Variants in GLDN observed in about 807,000 individuals in gnomAD.
The protein encoded by GLDN is gliomedin.
Under a neutral mutation model 56.5 loss-of-function variants are expected in GLDN, and 47 were observed. The ratio of observed to expected loss-of-function variants is 0.83; its 90% CI spans 0.66 to 1.06. The LOEUF (loss-of-function observed/expected upper bound fraction) is 1.06, where lower values mean the gene tolerates loss of function less well. GLDN is among the 50% of genes least tolerant of loss of function. GLDN has a pLI of 0.00. For missense variants in GLDN, 782 were observed against 714.3 expected (o/e 1.09, Z -1.08); for synonymous variants, 332 against 278.8 (o/e 1.19, Z -1.90).
chr15:51,385,973 G>A lies in GLDN; in HGVS notation c.541+2081G>A, dbSNP rs563395854. 9.8e-5 allele frequency among the ~76,000 whole-genome samples: 15 copies of A among 152,322 alleles called. 1 individual carries two copies. In the South Asian group the frequency reaches 3.1e-3, roughly 32 times the overall value. Reference sequence around the variant, plus strand: ...AGTGCTATGCCTGACATATGGATGAGAGGATGGCCTGACAGCTGTGCTGAG... The same window carrying A: ...AGTGCTATGCCTGACATATGGATGAAAGGATGGCCTGACAGCTGTGCTGAG... On this transcript the variant is annotated intron_variant, in intron 4 of 9. Coordinates refer to ENST00000335449, the MANE Select transcript of GLDN (RefSeq NM_181789.4).
At chr15:51,404,237 CGGTG>C (rs2038319179) in intron 9 of GLDN, 36 bp from the exon 10 acceptor site, 1 of 1,453,014 alleles carries the variant, frequency 6.9e-7, no homozygotes, top group Non-Finnish European at 9.3e-7. Flanking sequence ...TCCACAGAAA[CGGTG>C]ATTCATGTCT....
At chr15:51,373,998 TATC>T (rs1335360377) in intron 1 of GLDN, among the ~76,000 whole-genome samples, 1 of 152,228 alleles carries the variant, frequency 6.6e-6, no homozygotes, top group Non-Finnish European at 1.5e-5. Flanking sequence ...CACCTTTTCA[TATC>T]ATATATTTCA....
At chr15:51,351,828 A>T (rs1425746867) in intron 1 of GLDN, among the ~76,000 whole-genome samples, 1 of 152,214 alleles carries the variant, frequency 6.6e-6, no homozygotes, top group African/African-American at 2.4e-5. Flanking sequence ...CTGGACCCAC[A>T]GCTTGGTAGC....
At chr15:51,350,592 A>G (rs1210824552) in intron 1 of GLDN, among the ~76,000 whole-genome samples, 1 of 152,146 alleles carries the variant, frequency 6.6e-6, no homozygotes, top group Non-Finnish European at 1.5e-5. Context: ...TTTGGGAGAG[A>G]GCTTGCAGCC....
intron 9 of GLDN, among the ~76,000 whole-genome samples, chr15:51,403,009 A>G (rs2038288300): frequency 6.6e-6 from 1 of 152,046 alleles, no homozygotes; most frequent in Non-Finnish European, 1.5e-5. Context: ...CTGCCATGTT[A>G]TATAGGGCTA....
chr15:51,379,215 A>C (rs1317553038), intron 2 of GLDN, among the ~76,000 whole-genome samples: 1 of 152,216 alleles, frequency 6.6e-6, no homozygotes. Context: ...GAGTTTGTCA[A>C]ACAACACATG....
rs2038327360 is a variant in GLDN, at chr15:51,404,450, A to T, written c.1352A>T (p.Gln451Leu). The change falls in exon 10 of 10, where the codon CAA becomes CTA. Residue 451 changes from glutamine (Q) to leucine (L), a missense_variant. Coordinates refer to ENST00000335449, the MANE Select transcript of GLDN (RefSeq NM_181789.4). ...SVDGSSILVA[Q>L]LDERTFSVVQ... ...GACGGCTCGAGCATTCTTGTAGCACAACTGGATGAGAGGACATTCTCAGTG... is the reference window on the plus strand; with the variant it reads ...GACGGCTCGAGCATTCTTGTAGCACTACTGGATGAGAGGACATTCTCAGTG... 1.2e-6 allele frequency: 2 copies of T among 1,614,042 alleles called. No homozygotes were observed. Among genetic ancestry groups the T allele is most frequent in the Non-Finnish European group, 1.7e-6 (2 of 1,180,038 alleles).
In GLDN at chr15:51,407,329, C is replaced by T. The variant is rs1446506346; in HGVS notation, c.*2575C>T. ...TGATTTTTTAAAGAAGTTTTGGGCT[C>T]ACTGCTAAAATAGAGTATACAACTG... On this transcript the variant is annotated 3_prime_UTR_variant, in exon 10 of 10. Coordinates refer to ENST00000335449, the MANE Select transcript of GLDN (RefSeq NM_181789.4). 1 of 152,114 alleles carries T rather than the reference C, an allele frequency of 6.6e-6. No homozygotes were observed. The highest frequency in any genetic ancestry group is 1.5e-5 in the Non-Finnish European group (1 of 68,020). 9.4% of individuals were successfully genotyped at this position (152,114 alleles called of 1,614,324 possible).
intron 1 of GLDN, among the ~76,000 whole-genome samples, chr15:51,348,044 T>A (rs567678668): frequency 1.3e-5 from 2 of 152,354 alleles, no homozygotes; most frequent in South Asian, 4.1e-4. Flanking sequence ...AATGAACCCC[T>A]CACTGTATAG....
chr15:51,355,935 T>G (rs140927121), intron 1 of GLDN, among the ~76,000 whole-genome samples: 1 of 145,750 alleles, frequency 6.9e-6, no homozygotes, highest in African/African-American at 2.5e-5. Flanking sequence ...CAGCCGGGTG[T>G]GGTGGCTCAC....
intron 4 of GLDN, among the ~76,000 whole-genome samples, chr15:51,389,033 C>T (rs543333001): frequency 6.6e-6 from 1 of 152,342 alleles, no homozygotes; most frequent in East Asian, 1.9e-4. Flanking sequence ...TCATTCCCTG[C>T]CTTCAAGGCA....
intron 9 of GLDN, among the ~76,000 whole-genome samples, chr15:51,402,052 C>A (rs2038264737): frequency 6.6e-6 from 1 of 152,108 alleles, no homozygotes; most frequent in East Asian, 1.9e-4. Flanking sequence ...GAGAAGCAGC[C>A]CGAACTCATA....
intron 1 of GLDN, among the ~76,000 whole-genome samples, chr15:51,359,758 T>C (rs28811119): frequency 0.049 from 7,426 of 151,964 alleles, 613 homozygotes; most frequent in African/African-American, 0.17. Context: ...GGGCGGATCA[T>C]GAGGTCAGGA....
At chr15:51,365,097 T>C (rs1159657769) in intron 1 of GLDN, among the ~76,000 whole-genome samples, 2 of 152,262 alleles carry the variant, frequency 1.3e-5, no homozygotes, top group Non-Finnish European at 2.9e-5. Context: ...CCAGACTAGC[T>C]GGGAAAAGTA....
chr15:51,363,117 G>C (rs971788297), intron 1 of GLDN, among the ~76,000 whole-genome samples: 4 of 152,190 alleles, frequency 2.6e-5, no homozygotes, highest in Non-Finnish European at 5.9e-5. Flanking sequence ...ATGTTCATTA[G>C]ATGTCCAAGG....
rs1375944001 is a variant in GLDN, at chr15:51,362,321, C to G, written c.364-15128C>G. On this transcript the variant is annotated intron_variant, in intron 1 of 9. Coordinates refer to ENST00000335449, the MANE Select transcript of GLDN (RefSeq NM_181789.4). The stretch of plus-strand genomic sequence containing the variant: ...CCAACTTGGAGAAACTCCGTCTCTA[C>G]CAAATATATACAAATTAGCTCAGCA... Among the ~76,000 whole-genome samples, 291 of 151,922 alleles carry G rather than the reference C, an allele frequency of 1.9e-3. 1 individual carries two copies. Among genetic ancestry groups the G allele is most frequent in the African/African-American group, 6.6e-3 (275 of 41,452 alleles).
chr15:51,382,321 C>G (rs117873448), intron 2 of GLDN, among the ~76,000 whole-genome samples: 1 of 152,038 alleles, frequency 6.6e-6, no homozygotes, highest in Non-Finnish European at 1.5e-5. Context: ...ATCTTTCCCA[C>G]GTAGACTGTG....
rs769717257 is a variant in GLDN, at chr15:51,347,005, G to A, written c.363+4958G>A. On this transcript the variant is annotated intron_variant, in intron 1 of 9. Transcript: ENST00000335449. ...CGCTTGAACCCAGGAGATGGAGGTTGCAGTGAGCCGAGGTGGCACTACTGT... is the reference window on the plus strand; with the variant it reads ...CGCTTGAACCCAGGAGATGGAGGTTACAGTGAGCCGAGGTGGCACTACTGT... Among the ~76,000 whole-genome samples the A allele has an allele frequency of 3.9e-5, 6 of 152,322 alleles. No homozygotes were observed. The South Asian group carries it at 1.0e-3, about 26-fold the overall frequency.
intron 1 of GLDN, among the ~76,000 whole-genome samples, chr15:51,344,700 T>G (rs534260351): frequency 1.3e-5 from 2 of 152,322 alleles, no homozygotes; most frequent in South Asian, 4.1e-4. Context: ...ACAAACTCTA[T>G]GCAGACTAAT....
Sources: allele counts gnomAD v4.1 joint callset (sites outside exome capture counted in the v4.1 genomes callset), GRCh38; gene constraint gnomAD v4.1.1; transcripts MANE v1.5; gene names NCBI Gene and HGNC (gene_info 2026-07-23, HGNC 2026-07-21).